Variants in GCNT1 observed in about 807,000 individuals in gnomAD.
The protein encoded by GCNT1 is glucosaminyl (N-acetyl) transferase 1.
GCNT1 carries 16 observed loss-of-function variants against 26.2 expected under a neutral mutation model. That is an observed-to-expected ratio of 0.61 (90% CI 0.41 to 0.93). GCNT1 has a LOEUF of 0.93. Among genes scored for constraint, GCNT1 ranks in the 40% least tolerant of loss-of-function variants. The pLI is 0.00. For synonymous variants in GCNT1, 183 were observed against 190.8 expected, an observed-to-expected ratio of 0.96 and a Z score of 0.34; for missense variants, 477 against 526.7, an observed-to-expected ratio of 0.91 and a Z score of 0.92.
At chr9:76,418,545 A>G (rs1307625180), upstream of GCNT1, among the ~76,000 whole-genome samples, 1 of 152,228 alleles carries the variant, frequency 6.6e-6, no homozygotes, top group Non-Finnish European at 1.5e-5. Context: ...GGTTTACAAA[A>G]TGAACTGACA....
Position 76,503,516 on chromosome 9 carries a change from T to G in GCNT1, c.1135T>G (p.Ser379Ala). The G allele has an allele frequency of 6.2e-7, 1 of 1,614,200 alleles. No individual in the cohort carries two copies. The highest frequency in any genetic ancestry group is 8.5e-7 in the Non-Finnish European group (1 of 1,180,032). The change falls in exon 4 of 4, where the codon TCA (serine) becomes GCA (alanine). Residue 379 changes from serine (S) to alanine (A), a missense_variant. By Grantham distance (99) the Ser-to-Ala change is moderately conservative (BLOSUM62 1). Transcript: ENST00000376730. ...GCCCTGCGATGGAGTCCATGTGCGC[T>G]CAGTGTGCATTTTCGGAGCTGGTGA... ...YPPCDGVHVR[S>A]VCIFGAGDLN...
chr9:76,437,102 TATA>T (rs768042342), upstream of GCNT1, among the ~76,000 whole-genome samples: 1 of 151,116 alleles, frequency 6.6e-6, no homozygotes, highest in Non-Finnish European at 1.5e-5. Flanking sequence ...GAACTTAAAG[TATA>T]ATAATAAAAA....
the GCNT1 span, chr9:76,394,290 G>A: frequency 1.1e-6 from 1 of 947,042 alleles, no homozygotes; most frequent in Non-Finnish European, 1.5e-6. Flanking sequence ...TCTGCCTGCC[G>A]CGGGGGCGCA....
chr9:76,414,351 T>C, the GCNT1 span, among the ~76,000 whole-genome samples: 93 of 152,246 alleles, frequency 6.1e-4, 1 homozygote, highest in Non-Finnish European at 2.6e-4. Context: ...GGAGAAGCAT[T>C]CTATGGTCCT....
At chr9:76,427,438 C>T (rs559119935) in intron 1 of GCNT1, among the ~76,000 whole-genome samples, 1 of 152,090 alleles carries the variant, frequency 6.6e-6, no homozygotes, top group Non-Finnish European at 1.5e-5. Context: ...CCTCAGCCCC[C>T]CAAAGTGCTG....
the GCNT1 span, among the ~76,000 whole-genome samples, chr9:76,409,700 C>A: frequency 1.3e-5 from 2 of 152,172 alleles, no homozygotes; most frequent in East Asian, 3.9e-4. Flanking sequence ...CCTGCCTCGA[C>A]CTCCCAAAGT....
At chr9:76,394,353 G>A in the GCNT1 span, 2 of 536,632 alleles carry the variant, frequency 3.7e-6, no homozygotes, top group Non-Finnish European at 6.3e-6. Context: ...TGACGCCGCC[G>A]ACCCAACAAA....
the GCNT1 span, chr9:76,398,893 T>C: frequency 2.0e-6 from 3 of 1,536,332 alleles, no homozygotes; most frequent in Non-Finnish European, 2.7e-6. Context: ...CTAGTGCTAT[T>C]GTTGCCATTG....
Position 76,498,782 on chromosome 9 carries a change from A to AT in GCNT1, c.-289-2134_-289-2133insT, listed in dbSNP as rs1046465599. On this transcript the variant is annotated intron_variant, in intron 2 of 3. Transcript: ENST00000376730. ...GAGCAAAATTCCAGCTCAAAAAAAA[A>AT]AAAAAAAAGAAAAAAAGTGTATACA... 2.5e-5 allele frequency among the ~76,000 whole-genome samples: 3 copies of AT among 121,256 alleles called. No individual in the cohort carries two copies. In the Admixed American group the frequency reaches 2.9e-4, roughly 12 times the overall value. 79.5% of individuals were successfully genotyped at this position (121,256 alleles called of 152,430 possible). A position where few individuals can be genotyped will look rare whatever the true frequency, so the allele number is the denominator to read the frequency against.
At position 76,507,250 on chromosome 9, in the gene GCNT1, G is replaced by A. The variant is rs1825262785; in HGVS notation, c.*3582G>A. On this transcript the variant is annotated 3_prime_UTR_variant, in exon 4 of 4. Coordinates refer to ENST00000376730, the MANE Select transcript of GCNT1 (RefSeq NM_001490.5). ...TGTTGTAAAGCTGAAAAACCGTTAA[G>A]CCTCTACGATTTTTAAGTAAGTTGG... The A allele has an allele frequency of 1.2e-5, 2 of 166,990 alleles. No individual in the cohort carries two copies. The highest frequency in any genetic ancestry group is 4.8e-5 in the African/African-American group (2 of 41,436). 10.3% of individuals were successfully genotyped at this position (166,990 alleles called of 1,614,324 possible). A position where few individuals can be genotyped will look rare whatever the true frequency, so the allele number is the denominator to read the frequency against.
intron 1 of GCNT1, among the ~76,000 whole-genome samples, chr9:76,431,427 A>T (rs1823334326): frequency 1.3e-5 from 2 of 152,224 alleles, no homozygotes; most frequent in Non-Finnish European, 1.5e-5. Context: ...TGCTACACTT[A>T]TGATTATAAT....
the GCNT1 span, among the ~76,000 whole-genome samples, chr9:76,401,907 A>C: frequency 1.8e-4 from 27 of 152,220 alleles, no homozygotes; most frequent in Non-Finnish European, 2.9e-5. Context: ...ACAAACAAAC[A>C]AAAAACACAC....
At chr9:76,466,802 A>T (rs543468685) in intron 2 of GCNT1, among the ~76,000 whole-genome samples, 1 of 152,160 alleles carries the variant, frequency 6.6e-6, no homozygotes, top group East Asian at 1.9e-4. Flanking sequence ...AAGTGGCAAA[A>T]CCATTGGCTG....
chr9:76,460,730 T>A (rs955354323), intron 2 of GCNT1, among the ~76,000 whole-genome samples: 1 of 149,536 alleles, frequency 6.7e-6, no homozygotes, highest in South Asian at 2.1e-4. Context: ...TAAAATACAA[T>A]ATACCAAACT....
the GCNT1 span, among the ~76,000 whole-genome samples, chr9:76,414,809 G>A: frequency 5.9e-5 from 9 of 152,202 alleles, no homozygotes; most frequent in East Asian, 1.2e-3. Flanking sequence ...GTGAGTTTTG[G>A]CTGGCTTCTT....
rs137927004 is a variant in GCNT1 at position 76,475,172 on chromosome 9, G to A, written c.-290+14995G>A. ...TTACAATGAGAATTACTTCATTCTTGGCTTTAGTGCTAATTTCAAATTCAA... is the reference window on the plus strand; with the variant it reads ...TTACAATGAGAATTACTTCATTCTTAGCTTTAGTGCTAATTTCAAATTCAA... On this transcript the variant is annotated intron_variant, in intron 2 of 3. Transcript: ENST00000376730. 2.8e-4 allele frequency among the ~76,000 whole-genome samples: 42 copies of A among 152,174 alleles called. No individual in the cohort carries two copies. In the East Asian group the frequency reaches 7.5e-3, roughly 27 times the overall value.
chr9:76,422,146 A>G (rs1189182505), intron 1 of GCNT1, among the ~76,000 whole-genome samples: 1 of 152,130 alleles, frequency 6.6e-6, no homozygotes, highest in African/African-American at 2.4e-5. Context: ...AGCATGGGAG[A>G]AACCACCCCC....
At chr9:76,461,444 G>A (rs568653645) in intron 2 of GCNT1, among the ~76,000 whole-genome samples, 8 of 151,800 alleles carry the variant, frequency 5.3e-5, no homozygotes, top group Admixed American at 3.3e-4. Flanking sequence ...TTAGCTGGGC[G>A]TGGTGGCTAG....
intron 2 of GCNT1, among the ~76,000 whole-genome samples, chr9:76,474,244 A>G (rs1824207256): frequency 6.6e-6 from 1 of 152,220 alleles, no homozygotes; most frequent in Non-Finnish European, 1.5e-5. Flanking sequence ...AACATTATAT[A>G]TAATTAAAAT....
Sources: allele counts gnomAD v4.1 joint callset (sites outside exome capture counted in the v4.1 genomes callset), GRCh38; gene constraint gnomAD v4.1.1; transcripts MANE v1.5; gene names NCBI Gene and HGNC (gene_info 2026-07-23, HGNC 2026-07-21).